Variants in CBFA2T3 observed in about 807,000 individuals in gnomAD.
CBFA2T3 encodes the protein transcriptional corepressor CBFA2T3.
A neutral mutation model predicts 58.6 loss-of-function variants in CBFA2T3; 31 were observed. That is an observed-to-expected ratio of 0.53 (90% CI 0.40 to 0.71). CBFA2T3 has a LOEUF of 0.71. Among genes scored for constraint, CBFA2T3 ranks in the 30% least tolerant of loss-of-function variants. CBFA2T3 has a pLI of 0.00. For missense variants in CBFA2T3, 1,076 were observed against 963.1 expected (o/e 1.12, Z -1.55); for synonymous variants, 531 against 421.9 (o/e 1.26, Z -3.17).
chr16:88,936,601 G>A lies in CBFA2T3; in HGVS notation c.152-34945C>T, dbSNP rs1597755507. On this transcript the variant is annotated intron_variant, in intron 1 of 11. Transcript: ENST00000268679. The stretch of plus-strand genomic sequence containing the variant: ...GGCAGAACCGGCCCTGGGTGGCTAA[G>A]CGGGCGGGAAACGCAGAGGCAGGCG... Among the ~76,000 whole-genome samples the A allele has an allele frequency of 2.0e-5, 3 of 152,364 alleles. 1 individual carries two copies. In the South Asian group the frequency reaches 6.2e-4, roughly 32 times the overall value.
At chr16:88,967,411 CT>C (rs978215391) in intron 1 of CBFA2T3, among the ~76,000 whole-genome samples, 1 of 152,060 alleles carries the variant, frequency 6.6e-6, no homozygotes, top group African/African-American at 2.4e-5. Context: ...TTTCCACACC[CT>C]AAGTGCTGCC....
At chr16:88,968,220 C>T (rs1369047755) in intron 1 of CBFA2T3, among the ~76,000 whole-genome samples, 2 of 152,192 alleles carry the variant, frequency 1.3e-5, no homozygotes, top group East Asian at 1.9e-4. Context: ...GGGCCCTGGC[C>T]GCAGGACTGC....
intron 1 of CBFA2T3, among the ~76,000 whole-genome samples, chr16:88,907,656 G>A (rs574689450): frequency 6.6e-6 from 1 of 152,210 alleles, no homozygotes; most frequent in Non-Finnish European, 1.5e-5. Flanking sequence ...TGGCCACAGA[G>A]GGCACCTGCA....
chr16:88,946,013 A>G (rs1971892290), intron 1 of CBFA2T3, among the ~76,000 whole-genome samples: 2 of 152,262 alleles, frequency 1.3e-5, no homozygotes, highest in African/African-American at 4.8e-5. Flanking sequence ...AGCCATGGAA[A>G]GTGAACATTG....
chr16:88,880,659 G>T, intron 10 of CBFA2T3, 61 bp downstream of exon 10: 7 of 1,371,038 alleles, frequency 5.1e-6, no homozygotes, highest in Non-Finnish European at 6.1e-6. Context: ...CCGGTGAGAG[G>T]CGCATCTGGG....
intron 1 of CBFA2T3, among the ~76,000 whole-genome samples, chr16:88,975,910 G>A (rs1972847341): frequency 1.3e-5 from 2 of 152,260 alleles, no homozygotes; most frequent in South Asian, 4.1e-4. Context: ...CCGCGAGACG[G>A]GAGACTGTGA....
intron 1 of CBFA2T3, chr16:88,951,348 G>C (rs1044055886): frequency 2.2e-6 from 1 of 457,266 alleles, no homozygotes; most frequent in African/African-American, 2.0e-5. Context: ...CCCTCCCTTT[G>C]TTTGTTGAGT....
chr16:88,894,195 GCACA>G (rs1969771200), intron 3 of CBFA2T3, among the ~76,000 whole-genome samples: 2 of 145,502 alleles, frequency 1.4e-5, no homozygotes. Flanking sequence ...ATATACACAT[GCACA>G]CAATGTACAC....
chr16:88,909,392 T>C (rs902204104), intron 1 of CBFA2T3, among the ~76,000 whole-genome samples: 2 of 139,232 alleles, frequency 1.4e-5, no homozygotes, highest in Non-Finnish European at 3.2e-5. Context: ...GGGGTGAGGG[T>C]TGACATGAAT....
chr16:88,887,836 C>T (rs1004191810), intron 5 of CBFA2T3, among the ~76,000 whole-genome samples: 6 of 152,172 alleles, frequency 3.9e-5, no homozygotes, highest in African/African-American at 1.4e-4. Flanking sequence ...AAGCTGCCCT[C>T]TGCACAGATG....
intron 10 of CBFA2T3, 148 bp downstream of exon 10, chr16:88,880,572 C>T (rs772464645): frequency 3.5e-5 from 24 of 689,446 alleles, no homozygotes; most frequent in African/African-American, 7.2e-5. Context: ...CTGACCTCTC[C>T]GTGAGCCACA....
chr16:88,878,351 C>T (rs1308269669), intron 11 of CBFA2T3, among the ~76,000 whole-genome samples: 2 of 152,240 alleles, frequency 1.3e-5, no homozygotes, highest in East Asian at 3.9e-4. Flanking sequence ...GGCTCCATCT[C>T]CTCCCACCCC....
Position 88,892,258 on chromosome 16 carries a change from C to A in CBFA2T3, c.607G>T (p.Val203Leu). ...GCCCAACTCACCACCAGGCCCAGCA[C>A]CAGTGTGCGCACGCGCTCCCCAATC... ...PEIGERVRTL[V>L]LGLVNSTLTI... Residue 203 changes from valine (V) to leucine (L), a missense_variant, in exon 4 of 12, where the codon GTG becomes TTG. Transcript: ENST00000268679. 1.9e-6 allele frequency: 3 copies of A among 1,609,910 alleles called. No individual in the cohort carries two copies. The highest frequency in any genetic ancestry group is 2.5e-6 in the Non-Finnish European group (3 of 1,179,388).
At chr16:88,892,078 G>T in intron 4 of CBFA2T3, 107 bp from the exon 5 acceptor site, 1 of 1,363,812 alleles carries the variant, frequency 7.3e-7, no homozygotes, top group Non-Finnish European at 1.0e-6. Flanking sequence ...CAGGCAGGCA[G>T]CCCAGGAGCT....
intron 1 of CBFA2T3, among the ~76,000 whole-genome samples, chr16:88,913,336 G>T (rs1454378070): frequency 1.3e-5 from 2 of 152,236 alleles, no homozygotes; most frequent in Non-Finnish European, 2.9e-5. Context: ...ACGCCCAGAA[G>T]AACCACCCCC....
chr16:88,906,676 C>T (rs986218222), intron 1 of CBFA2T3, among the ~76,000 whole-genome samples: 1 of 152,240 alleles, frequency 6.6e-6, no homozygotes, highest in Non-Finnish European at 1.5e-5. Flanking sequence ...GGCCTATTCT[C>T]AGCACCGTCT....
intron 2 of CBFA2T3, among the ~76,000 whole-genome samples, chr16:88,899,427 A>G (rs1364867105): frequency 6.6e-6 from 1 of 152,208 alleles, no homozygotes; most frequent in Non-Finnish European, 1.5e-5. Context: ...TAGAAAAGAA[A>G]AAGCACCTGC....
intron 2 of CBFA2T3, among the ~76,000 whole-genome samples, chr16:88,900,089 C>T (rs749357152): frequency 2.6e-5 from 4 of 152,242 alleles, no homozygotes; most frequent in Admixed American, 6.5e-5. Flanking sequence ...AGGACCTGCA[C>T]GCTGGGCCCG....
intron 1 of CBFA2T3, among the ~76,000 whole-genome samples, chr16:88,918,700 T>C (rs1034686600): frequency 2.0e-5 from 3 of 152,228 alleles, no homozygotes; most frequent in Admixed American, 2.0e-4. Flanking sequence ...GAACATTCTG[T>C]CTTCTTGCCC....
Sources: gnomAD v4.1 joint callset for allele counts (sites outside exome capture counted in the v4.1 genomes callset) on GRCh38, gnomAD v4.1.1 for gene constraint, MANE v1.5 for transcripts, NCBI Gene and HGNC (gene_info 2026-07-23, HGNC 2026-07-21) for gene names.